SRGAP2: variants seen among roughly 807,000 people sequenced by gnomAD.
SRGAP2 encodes SLIT-ROBO Rho GTPase-activating protein 2.
Under a neutral mutation model 57.2 loss-of-function variants are expected in SRGAP2, and 15 were observed. That is an observed-to-expected ratio of 0.26 (90% CI 0.18 to 0.40). The LOEUF (loss-of-function observed/expected upper bound fraction) is 0.40. Among genes scored for constraint, SRGAP2 ranks in the 10% least tolerant of loss-of-function variants. The pLI is 1.00. For synonymous variants in SRGAP2, 249 were observed against 248.0 expected, an observed-to-expected ratio of 1.00 and a Z score of -0.04; for missense variants, 520 against 669.6, an observed-to-expected ratio of 0.78 and a Z score of 2.47.
chr1:206,372,948 TTTCTTTC>T (rs1654718717), intron 4 of SRGAP2, among the ~76,000 whole-genome samples: 1 of 8,418 alleles, frequency 1.2e-4, no homozygotes, highest in African/African-American at 1.4e-3. Context: ...TCTTTCTTTC[TTTCTTTC>T]TTTTCTTTCC....
At chr1:206,260,741 A>G (rs1398890521) in intron 2 of SRGAP2, among the ~76,000 whole-genome samples, 4 of 152,224 alleles carry the variant, frequency 2.6e-5, no homozygotes, top group Admixed American at 1.3e-4. Flanking sequence ...GTTCCTTACA[A>G]ATGTGCACTT....
Position 206,372,956 on chromosome 1 carries a change from TTTTCTTTCCTTTCTTTC to T in SRGAP2, c.424-11049_424-11033del, listed in dbSNP as rs1654744026. Among the ~76,000 whole-genome samples, 6 of 9,226 alleles carry T rather than the reference TTTTCTTTCCTTTCTTTC, an allele frequency of 6.5e-4. 1 individual carries two copies. Among genetic ancestry groups the T allele is most frequent in the Non-Finnish European group, 1.2e-3 (6 of 5,020 alleles). 6.1% of individuals were successfully genotyped at this position (9,226 alleles called of 152,430 possible). A position where few individuals can be genotyped will look rare whatever the true frequency, so the allele number is the denominator to read the frequency against. On this transcript the variant is annotated intron_variant, in intron 4 of 22. Transcript: ENST00000573034. ...CTTTCTTTCTTTCTTTCTTTCTTTC[TTTTCTTTCCTTTCTTTC>T]TTTCTTTCTTTCTTTCTTTCTTTCT...
intron 2 of SRGAP2, among the ~76,000 whole-genome samples, chr1:206,213,994 G>T (rs543772823): frequency 2.6e-5 from 4 of 152,054 alleles, no homozygotes; most frequent in Admixed American, 2.6e-4. Flanking sequence ...TTTTAGAAGG[G>T]GTCACAAATA....
chr1:206,446,764 G>C (rs1203961365), intron 18 of SRGAP2, among the ~76,000 whole-genome samples: 1 of 152,176 alleles, frequency 6.6e-6, no homozygotes, highest in Non-Finnish European at 1.5e-5. Context: ...TGGCACTTCA[G>C]AATGATTTTA....
chr1:206,456,061 T>C (rs1400926747), intron 21 of SRGAP2: 1 of 152,258 alleles, frequency 6.6e-6, no homozygotes, highest in Non-Finnish European at 1.5e-5. Context: ...CTCTGGCTTT[T>C]GAGGAATGAA....
chr1:206,447,356 A>G (rs1435943043), intron 18 of SRGAP2, among the ~76,000 whole-genome samples: 3 of 152,164 alleles, frequency 2.0e-5, no homozygotes, highest in Admixed American at 1.3e-4. Flanking sequence ...TTAGAGGCCA[A>G]TTGGTCCACG....
chr1:206,384,927 C>T lies in SRGAP2; in HGVS notation c.486+851C>T, dbSNP rs552933437. Among the ~76,000 whole-genome samples the T allele has an allele frequency of 3.3e-3, 485 of 147,074 alleles. 4 individuals are homozygous for T. Among genetic ancestry groups the T allele is most frequent in the Admixed American group, 8.7e-3 (128 of 14,792 alleles). ...CCTACTATGTCATTCTCCAGGGTTT[C>T]TCCATCCTGTTTGAAGGTGATACTG... On this transcript the variant is annotated intron_variant, in intron 5 of 22. Coordinates refer to ENST00000573034, the MANE Select transcript of SRGAP2 (RefSeq NM_015326.5).
In SRGAP2 at chr1:206,461,395, C is replaced by T. The variant is rs2103426532; in HGVS notation, c.3191C>T (p.Ser1064Phe). Residue 1064 changes from serine to phenylalanine, a missense_variant, in exon 23 of 23, where the codon TCT (serine) becomes TTT (phenylalanine). By Grantham distance (155) the Ser-to-Phe change is radical. Around this residue, in one of 5 missense-constraint regions of SRGAP2, gnomAD observed 478 missense variants for 373.6 expected, o/e 1.28. Transcript: ENST00000573034. ...GTCAACTCATCAACTTCCCCACAGT[C>T]TACTGACAAGTCTTGTACTGTCTGA... ...PGVNSSTSPQ[S>F]TDKSCTV 1.3e-6 allele frequency: 1 copy of T among 779,466 alleles called. No individual in the cohort carries two copies. 48.3% of individuals were successfully genotyped at this position (779,466 alleles called of 1,614,324 possible).
rs1466545625 is a variant in SRGAP2, at chr1:206,453,269, A to G, written c.2249A>G (p.Lys750Arg). The G allele has an allele frequency of 6.6e-6, 5 of 752,058 alleles. No homozygotes were observed. Among genetic ancestry groups the G allele is most frequent in the African/African-American group, 5.2e-5 (3 of 57,186 alleles). The allele number at this position is 752,058 out of a possible 1,614,324, so 46.6% of individuals were successfully genotyped here. A position where few individuals can be genotyped will look rare whatever the true frequency, so the allele number is the denominator to read the frequency against. ...CGGACAGCCCGAGAGCTATCCTTTA[A>G]GAAGGGAGCATCCCTGCTGCTTTAC... Reference protein sequence around the residue: ...VGRTARELSFKKGASLLLYQR... With the variant: ...VGRTARELSFRKGASLLLYQR... Residue 750 changes from lysine to arginine, a missense_variant, in exon 20 of 23, where the codon AAG (lysine) becomes AGG (arginine). Lys to Arg is a conservative substitution (Grantham distance 26, BLOSUM62 2). Coordinates refer to ENST00000573034, the MANE Select transcript of SRGAP2 (RefSeq NM_015326.5).
intron 13 of SRGAP2, among the ~76,000 whole-genome samples, chr1:206,425,885 C>T (rs1419638668): frequency 4.1e-5 from 6 of 145,228 alleles, no homozygotes; most frequent in Non-Finnish European, 7.5e-5. Context: ...TCACTCTTGT[C>T]GCCCAGGCTG....
chr1:206,304,010 A>G (rs1672040876), intron 3 of SRGAP2, among the ~76,000 whole-genome samples: 1 of 152,050 alleles, frequency 6.6e-6, no homozygotes, highest in South Asian at 2.1e-4. Context: ...CATTTCACCA[A>G]ACTGTCTTTA....
At chr1:206,286,952 G>A (rs1248302766) in intron 2 of SRGAP2, among the ~76,000 whole-genome samples, 20,489 of 151,840 alleles carry the variant, frequency 0.13, 2,332 homozygotes, top group African/African-American at 0.32. Context: ...CTGCAGTGTG[G>A]AGAGTAGACT....
intron 2 of SRGAP2, among the ~76,000 whole-genome samples, chr1:206,287,350 A>G (rs1671081151): frequency 6.9e-6 from 1 of 144,578 alleles, no homozygotes; most frequent in East Asian, 2.1e-4. Flanking sequence ...TCTAGACTGT[A>G]GATACAGATT....
chr1:206,332,536 C>G (rs1553332212), intron 3 of SRGAP2, among the ~76,000 whole-genome samples: 1 of 149,932 alleles, frequency 6.7e-6, no homozygotes, highest in East Asian at 1.9e-4. Flanking sequence ...CTAAACTTCC[C>G]TTCTCGCTTC....
At chr1:206,407,925 A>AAAAT (rs1658831421) in intron 10 of SRGAP2, 1 of 151,812 alleles carries the variant, frequency 6.6e-6, no homozygotes, top group South Asian at 2.1e-4. Context: ...CCTATACAAA[A>AAAAT]AAATAATAGA....
rs782735756 is a variant in SRGAP2 at position 206,438,002 on chromosome 1, A to G, written c.1672A>G (p.Met558Val). ...GGCTGGGGACCAGAACGACCATGAC[A>G]TGGATTCCATAGCTGGTGTCCTGAA... ...PLAGDQNDHD[M>V]DSIAGVLKLY... The change falls in exon 16 of 23, where the codon ATG (methionine) becomes GTG (valine). Residue 558 changes from methionine (M) to valine (V), a missense_variant. This residue lies in a region of SRGAP2 where 478 missense variants were observed against 373.6 expected (regional missense o/e 1.28). Coordinates refer to ENST00000573034, the MANE Select transcript of SRGAP2 (RefSeq NM_015326.5). 4 of 780,740 alleles carry G rather than the reference A, an allele frequency of 5.1e-6. No homozygotes were observed. Among genetic ancestry groups the G allele is most frequent in the Admixed American group, 3.4e-5 (2 of 59,026 alleles). The allele number at this position is 780,740 out of a possible 1,614,324, so 48.4% of individuals were successfully genotyped here.
At chr1:206,415,577 G>GGCT (rs1419272065) in intron 10 of SRGAP2, among the ~76,000 whole-genome samples, 1 of 152,112 alleles carries the variant, frequency 6.6e-6, no homozygotes, top group Non-Finnish European at 1.5e-5. Flanking sequence ...AGAAGACCAG[G>GGCT]GCTCAATAAG....
chr1:206,428,983 T>C (rs1661053421), intron 13 of SRGAP2, among the ~76,000 whole-genome samples: 1 of 152,122 alleles, frequency 6.6e-6, no homozygotes, highest in South Asian at 2.1e-4. Context: ...ATAATAATAA[T>C]ATGTACTCCA....
chr1:206,455,155 A>G, intron 21 of SRGAP2, 131 bp downstream of exon 21: 1 of 749,840 alleles, frequency 1.3e-6, no homozygotes, highest in Non-Finnish European at 2.5e-6. Flanking sequence ...AACAGTTTGC[A>G]TGTGGTCATT....
Sources: gnomAD v4.1 joint callset for allele counts (sites outside exome capture counted in the v4.1 genomes callset) on GRCh38, gnomAD v4.1.1 for gene constraint, gnomAD v4.1.1 regional missense constraint, MANE v1.5 for transcripts, NCBI Gene and HGNC (gene_info 2026-07-23, HGNC 2026-07-21) for gene names.